DDAH1: variants seen among roughly 807,000 people sequenced by gnomAD.
DDAH1 encodes the protein N(G),N(G)-dimethylarginine dimethylaminohydrolase 1.
DDAH1 carries 19 observed loss-of-function variants against 28.8 expected under a neutral mutation model. The ratio of observed to expected loss-of-function variants is 0.66; its 90% confidence interval spans 0.46 to 0.97. DDAH1 has a LOEUF of 0.97. Among genes scored for constraint, DDAH1 ranks in the 50% least tolerant of loss-of-function variants. The probability of loss-of-function intolerance (pLI) is 0.00; values close to 1 mark genes in which losing one functional copy is unlikely to be tolerated. For synonymous variants in DDAH1, 153 were observed against 154.4 expected, an observed-to-expected ratio of 0.99 and a Z score of 0.07; for missense variants, 326 against 375.9, an observed-to-expected ratio of 0.87 and a Z score of 1.10.
At chr1:85,575,127 A>C (rs1659566477) in intron 1 of DDAH1, among the ~76,000 whole-genome samples, 1 of 152,122 alleles carries the variant, frequency 6.6e-6, no homozygotes, top group Admixed American at 6.6e-5. Flanking sequence ...GCTACTCAGG[A>C]GGCTAAGGCG....
chr1:85,368,192 G>A (rs891378718), intron 1 of DDAH1, among the ~76,000 whole-genome samples: 4 of 152,130 alleles, frequency 2.6e-5, no homozygotes, highest in African/African-American at 9.7e-5. Context: ...AGTTTATAAA[G>A]CACAATTGTT....
chr1:85,556,299 C>T (rs150144477), intron 1 of DDAH1, among the ~76,000 whole-genome samples: 1 of 152,206 alleles, frequency 6.6e-6, no homozygotes, highest in Non-Finnish European at 1.5e-5. Context: ...ACATGCTTCT[C>T]TTCTCCTGGT....
At chr1:85,544,357 A>T (rs1041335703) in intron 1 of DDAH1, among the ~76,000 whole-genome samples, 5 of 152,162 alleles carry the variant, frequency 3.3e-5, no homozygotes, top group African/African-American at 1.2e-4. Context: ...ATTCTTTCAG[A>T]TGTTTTGGGG....
intron 2 of DDAH1, among the ~76,000 whole-genome samples, chr1:85,479,754 G>A (rs1398043851): frequency 3.9e-5 from 6 of 152,156 alleles, no homozygotes; most frequent in Non-Finnish European, 7.4e-5. Context: ...TCAGTTTGCT[G>A]GGCCTTGTCT....
chr1:85,475,308 T>C (rs947391217), intron 2 of DDAH1, among the ~76,000 whole-genome samples: 1 of 152,152 alleles, frequency 6.6e-6, no homozygotes, highest in Non-Finnish European at 1.5e-5. Context: ...GTTAGCCACT[T>C]CCATGATGAT....
intron 1 of DDAH1, chr1:85,399,364 A>C (rs1346917410): frequency 6.6e-6 from 1 of 152,234 alleles, no homozygotes; most frequent in East Asian, 1.9e-4. Context: ...CCTATGAATG[A>C]CTTGTAGAGA....
intron 1 of DDAH1, among the ~76,000 whole-genome samples, chr1:85,427,706 T>C (rs17388437): frequency 0.038 from 5,793 of 152,284 alleles, 179 homozygotes; most frequent in South Asian, 0.13. Flanking sequence ...TGTTTCTCTC[T>C]AAGGATGTAA....
At chr1:85,459,842 G>A (rs1314735296) in intron 1 of DDAH1, among the ~76,000 whole-genome samples, 1 of 152,148 alleles carries the variant, frequency 6.6e-6, no homozygotes, top group African/African-American at 2.4e-5. Flanking sequence ...TCTCATTTAC[G>A]AGAGAAGGGA....
chr1:85,570,134 C>T (rs894566341), intron 1 of DDAH1, among the ~76,000 whole-genome samples: 7 of 152,238 alleles, frequency 4.6e-5, no homozygotes, highest in East Asian at 1.9e-4. Context: ...TTACCACTGA[C>T]GAGACTGAGA....
At chr1:85,417,364 G>C (rs1213243000) in intron 1 of DDAH1, among the ~76,000 whole-genome samples, 4 of 152,152 alleles carry the variant, frequency 2.6e-5, no homozygotes, top group African/African-American at 4.8e-5. Context: ...CATTCACAGA[G>C]AGGCAAGTGG....
intron 4 of DDAH1, among the ~76,000 whole-genome samples, chr1:85,337,817 C>T (rs1648234095): frequency 6.6e-6 from 1 of 152,154 alleles, no homozygotes; most frequent in African/African-American, 2.4e-5. Flanking sequence ...CTCTGAAAAC[C>T]CTCCTAAAGT....
chr1:85,504,961 C>CTTTTT (rs61209793), intron 1 of DDAH1, among the ~76,000 whole-genome samples: 3 of 60,778 alleles, frequency 4.9e-5, no homozygotes, highest in African/African-American at 2.2e-4. Flanking sequence ...CTCAATGATT[C>CTTTTT]TTTTTTTTTT....
At chr1:85,346,646 T>C (rs562865223) in intron 4 of DDAH1, among the ~76,000 whole-genome samples, 1 of 152,276 alleles carries the variant, frequency 6.6e-6, no homozygotes, top group African/African-American at 2.4e-5. Flanking sequence ...ACAAAGCCAA[T>C]ACCACTTTTA....
chr1:85,507,996 T>C (rs1336151878), intron 1 of DDAH1, among the ~76,000 whole-genome samples: 1 of 152,216 alleles, frequency 6.6e-6, no homozygotes, highest in Non-Finnish European at 1.5e-5. Context: ...TAATAAATGA[T>C]TTCATGAATT....
At chr1:85,410,150 A>G (rs1169470771) in intron 1 of DDAH1, among the ~76,000 whole-genome samples, 1 of 151,904 alleles carries the variant, frequency 6.6e-6, no homozygotes, top group Non-Finnish European at 1.5e-5. Context: ...GCACACTGCC[A>G]AACACCTGTA....
At chr1:85,326,005 A>G (rs1181069257) in intron 4 of DDAH1, among the ~76,000 whole-genome samples, 1 of 152,214 alleles carries the variant, frequency 6.6e-6, no homozygotes, top group Non-Finnish European at 1.5e-5. Flanking sequence ...TTGTATGGAA[A>G]TGTGCTTCAT....
chr1:85,475,185 T>C lies in DDAH1; in HGVS notation c.-7+20981A>G, dbSNP rs1655753414. Among the ~76,000 whole-genome samples, 5 of 152,326 alleles carry C rather than the reference T, an allele frequency of 3.3e-5. 1 individual carries two copies. The South Asian group carries it at 1.0e-3, about 32-fold the overall frequency. ...ATTAACTTCACATACAGAGCTTCAG[T>C]ATTTTTCCATTTGTAAAACAAAGAT... On this transcript the variant is annotated intron_variant, in intron 2 of 6. Transcript: ENST00000426972.
At chr1:85,418,942 T>G (rs1458946566) in intron 1 of DDAH1, among the ~76,000 whole-genome samples, 1 of 152,138 alleles carries the variant, frequency 6.6e-6, no homozygotes, top group African/African-American at 2.4e-5. Context: ...CATATCGTAG[T>G]TGGGTTGATG....
upstream of DDAH1, among the ~76,000 whole-genome samples, chr1:85,467,016 T>C (rs1008516758): frequency 6.6e-6 from 1 of 151,928 alleles, no homozygotes; most frequent in Admixed American, 6.6e-5. Flanking sequence ...TTTGTATTTT[T>C]AGTAGAGACG....
Sources: gnomAD v4.1 joint callset for allele counts (sites outside exome capture counted in the v4.1 genomes callset) on GRCh38, gnomAD v4.1.1 for gene constraint, MANE v1.5 for transcripts, NCBI Gene and HGNC (gene_info 2026-07-23, HGNC 2026-07-21) for gene names.